The following TBL1X variants were observed in gnomAD, a reference collection of about 807,000 sequenced individuals.
TBL1X encodes the protein transducin beta like 1 X-linked.
In TBL1X, 10 loss-of-function variants were observed where a neutral mutation model predicts 50.7. That is an observed-to-expected ratio of 0.20 (90% CI 0.12 to 0.33). The LOEUF (loss-of-function observed/expected upper bound fraction) is 0.33. Ranked by LOEUF, TBL1X falls within the 10% of genes least tolerant of loss-of-function variation. TBL1X has a pLI of 1.00. For missense variants in TBL1X, 340 were observed against 504.4 expected, an observed-to-expected ratio of 0.67 and a Z score of 3.12; for synonymous variants, 190 against 214.7, an observed-to-expected ratio of 0.88 and a Z score of 1.01.
At chrX:9,570,913 G>C (rs996827721) in intron 2 of TBL1X, among the ~76,000 whole-genome samples, 8 of 110,858 alleles carry the variant, frequency 7.2e-5, no homozygotes, top group African/African-American at 2.6e-4. Flanking sequence ...TCCTGACCTC[G>C]TGATCTGCCC....
At chrX:9,480,938 G>A (rs1339593252) in intron 1 of TBL1X, among the ~76,000 whole-genome samples, 4 of 111,112 alleles carry the variant, frequency 3.6e-5, no homozygotes, top group African/African-American at 1.3e-4. Context: ...GTTAGTATGT[G>A]TTTCAGAATT....
chrX:9,674,871 C>T (rs764562838), intron 5 of TBL1X, among the ~76,000 whole-genome samples: 1 of 111,778 alleles, frequency 8.9e-6, no homozygotes, highest in Admixed American at 9.4e-5. Flanking sequence ...TAAGCCACCA[C>T]ACCCAGTGCC....
chrX:9,485,896 T>G (rs2081909651), intron 1 of TBL1X, among the ~76,000 whole-genome samples: 1 of 111,579 alleles, frequency 9.0e-6, no homozygotes, highest in South Asian at 3.8e-4. Flanking sequence ...ATCAATGTAT[T>G]TGTTATTTAT....
intron 2 of TBL1X, among the ~76,000 whole-genome samples, chrX:9,527,288 G>C (rs1488512875): frequency 8.9e-6 from 1 of 111,815 alleles, no homozygotes; most frequent in Non-Finnish European, 1.9e-5. Flanking sequence ...AGGGACTCTT[G>C]AGAGAGAAGG....
Position 9,480,053 on chromosome X carries a change from C to T in TBL1X, c.-201+14606C>T, listed in dbSNP as rs1030706862. Among the ~76,000 whole-genome samples the T allele has an allele frequency of 5.5e-5, 6 of 109,741 alleles. No homozygotes were observed. The South Asian group carries it at 1.9e-3, about 36-fold the overall frequency. ...GCAACCTCCGCCTCCCGGGTTCAAGCGATTCTTCTGCTTCAGCCTCCCCCC... is the reference window on the plus strand; with the variant it reads ...GCAACCTCCGCCTCCCGGGTTCAAGTGATTCTTCTGCTTCAGCCTCCCCCC... On this transcript the variant is annotated intron_variant, in intron 1 of 17. Coordinates refer to ENST00000645353, the MANE Select transcript of TBL1X (RefSeq NM_005647.4).
chrX:9,530,212 G>A (rs1251319190), intron 2 of TBL1X, among the ~76,000 whole-genome samples: 1 of 111,856 alleles, frequency 8.9e-6, no homozygotes. Context: ...GTCACGAGGG[G>A]GTCCATTCTC....
At chrX:9,618,861 C>T (rs1297324073) in intron 2 of TBL1X, among the ~76,000 whole-genome samples, 1 of 111,677 alleles carries the variant, frequency 9.0e-6, no homozygotes, top group African/African-American at 3.3e-5. Context: ...CAGAGTTCCA[C>T]TTCATATTCC....
chrX:9,605,261 T>C (rs986390827), intron 2 of TBL1X, among the ~76,000 whole-genome samples: 1 of 111,728 alleles, frequency 9.0e-6, no homozygotes, highest in Non-Finnish European at 1.9e-5. Context: ...TCCCAGATAA[T>C]GAGCATGTGA....
intron 11 of TBL1X, among the ~76,000 whole-genome samples, chrX:9,696,818 A>G (rs1343169524): frequency 1.8e-5 from 2 of 112,538 alleles, no homozygotes; most frequent in Non-Finnish European, 3.8e-5. Flanking sequence ...TCTTGCAAGT[A>G]TTGGTTAGGG....
intron 13 of TBL1X, among the ~76,000 whole-genome samples, chrX:9,708,083 G>A (rs941505895): frequency 8.9e-6 from 1 of 112,047 alleles, no homozygotes; most frequent in African/African-American, 3.2e-5. Flanking sequence ...GGACATATGG[G>A]GCCCTATAGT....
At chrX:9,591,794 G>A (rs1256645598) in intron 2 of TBL1X, among the ~76,000 whole-genome samples, 2 of 112,039 alleles carry the variant, frequency 1.8e-5, no homozygotes, top group African/African-American at 3.2e-5. Context: ...CCTTGGCTAA[G>A]AGGACAGCAT....
At chrX:9,550,301 C>G (rs2082264595) in intron 2 of TBL1X, among the ~76,000 whole-genome samples, 3 of 111,863 alleles carry the variant, frequency 2.7e-5, no homozygotes, top group African/African-American at 9.8e-5. Flanking sequence ...TTTAGTGTAG[C>G]CTCCGTTTCC....
At chrX:9,531,809 C>A (rs987255191) in intron 2 of TBL1X, among the ~76,000 whole-genome samples, 8 of 109,987 alleles carry the variant, frequency 7.3e-5, no homozygotes, top group Non-Finnish European at 1.1e-4. Context: ...CTCAGCTCAC[C>A]GCAACCTCCA....
chrX:9,653,888 C>T (rs1320050029), intron 4 of TBL1X, among the ~76,000 whole-genome samples, 199 bp downstream of exon 4: 1 of 111,996 alleles, frequency 8.9e-6, no homozygotes, highest in African/African-American at 3.3e-5. Context: ...ATGCACAGAG[C>T]TTTATTGAAC....
intron 2 of TBL1X, among the ~76,000 whole-genome samples, chrX:9,589,804 C>T (rs1436220107): frequency 1.8e-5 from 2 of 111,608 alleles, no homozygotes; most frequent in Non-Finnish European, 3.8e-5. Context: ...AGGCACAAAG[C>T]GTCTCCTCTA....
intron 1 of TBL1X, among the ~76,000 whole-genome samples, 156 bp from the exon 2 acceptor site, chrX:9,501,624 A>G (rs921295148): frequency 1.8e-5 from 2 of 111,566 alleles, no homozygotes; most frequent in Admixed American, 9.5e-5. Flanking sequence ...GAGCTTTGGA[A>G]TGCCCTGGGC....
At chrX:9,586,224 A>G (rs2082469096) in intron 2 of TBL1X, among the ~76,000 whole-genome samples, 1 of 112,679 alleles carries the variant, frequency 8.9e-6, no homozygotes, top group Non-Finnish European at 1.9e-5. Context: ...ATATTAACCA[A>G]GAGGTGGAAA....
At chrX:9,586,285 C>T (rs753807474) in intron 2 of TBL1X, among the ~76,000 whole-genome samples, 1 of 112,512 alleles carries the variant, frequency 8.9e-6, no homozygotes, top group South Asian at 3.6e-4. Flanking sequence ...TGTGGCCTGT[C>T]CACACAATGG....
At chrX:9,567,756 CG>C (rs756189051) in intron 2 of TBL1X, among the ~76,000 whole-genome samples, 54 of 112,001 alleles carry the variant, frequency 4.8e-4, no homozygotes, top group African/African-American at 1.7e-3. Flanking sequence ...GAAACCTCAG[CG>C]CCCCATCTTG....
Sources: allele counts gnomAD v4.1 joint callset (sites outside exome capture counted in the v4.1 genomes callset), GRCh38; gene constraint gnomAD v4.1.1; transcripts MANE v1.5; gene names NCBI Gene and HGNC (gene_info 2026-07-23, HGNC 2026-07-21).